COG1: variants seen among roughly 807,000 people sequenced by gnomAD.
The protein encoded by COG1 is component of oligomeric golgi complex 1.
Under a neutral mutation model 102.2 loss-of-function variants are expected in COG1, and 61 were observed. The observed-to-expected ratio is 0.60, with a 90% confidence interval of 0.49 to 0.74. The LOEUF (loss-of-function observed/expected upper bound fraction) is 0.74. Among genes scored for constraint, COG1 ranks in the 30% least tolerant of loss-of-function variants. The probability of loss-of-function intolerance (pLI) is 0.00; values close to 1 mark genes in which losing one functional copy is unlikely to be tolerated. For missense variants in COG1, 1,164 were observed against 1,232.1 expected (o/e 0.94, Z 0.83); for synonymous variants, 454 against 493.6 (o/e 0.92, Z 1.06).
At chr17:73,197,602 A>AT (rs1219258381) in intron 4 of COG1, among the ~76,000 whole-genome samples, 4 of 152,332 alleles carry the variant, frequency 2.6e-5, no homozygotes, top group African/African-American at 9.6e-5. Flanking sequence ...TAGTGTCTAT[A>AT]TTGGTCATTG....
chr17:73,201,111 T>G lies in COG1; in HGVS notation c.1284T>G (p.Thr428=). The change falls in exon 7 of 14, where the codon ACT becomes ACG. Residue 428 remains threonine, a splice_region_variant and synonymous_variant. Transcript: ENST00000299886. ...MQQLFLDRLQ[T]LTKEGFDSIS... The stretch of plus-strand genomic sequence containing the variant: ...ACTCTTCTCTCATTCTCTTTTAGAC[T>G]CTGACAAAAGAAGGCTTTGACTCCA... 2 of 1,613,758 alleles carry G rather than the reference T, an allele frequency of 1.2e-6. No individual in the cohort carries two copies. The highest frequency in any genetic ancestry group is 1.7e-6 in the Non-Finnish European group (2 of 1,179,714).
intron 13 of COG1, 37 bp downstream of exon 13, chr17:73,207,293 G>A (rs2061381623): frequency 1.3e-6 from 2 of 1,591,948 alleles, no homozygotes; most frequent in African/African-American, 2.7e-5. Context: ...CCGTGGATGG[G>A]TCCCCACCTC....
intron 1 of COG1, among the ~76,000 whole-genome samples, chr17:73,193,617 A>G (rs2061311790): frequency 6.6e-6 from 1 of 152,200 alleles, no homozygotes; most frequent in East Asian, 1.9e-4. Context: ...CAGTTTCTTC[A>G]GGCGCTTTCC....
intron 13 of COG1, 22 bp downstream of exon 13, chr17:73,207,278 C>T (rs1237675784): frequency 6.2e-7 from 1 of 1,612,466 alleles, no homozygotes; most frequent in Non-Finnish European, 8.5e-7. Flanking sequence ...GAGCAAGAGG[C>T]TCATCCGTGG....
At position 73,201,357 on chromosome 17, in the gene COG1, C is replaced by T. The variant is rs138661086; in HGVS notation, c.1530C>T (p.Ile510=). The part of the protein sequence containing the change: ...SSGLSMKAQA[I]SPCVQNFCSA... ...GCCTCTCCATGAAAGCACAAGCCAT[C>T]AGCCCTTGTGTACAGAACTTCTGTT... Residue 510 remains isoleucine (I), a synonymous_variant, in exon 7 of 14, where the codon ATC becomes ATT. Coordinates refer to ENST00000299886, the MANE Select transcript of COG1 (RefSeq NM_018714.3). 3.1e-6 allele frequency: 5 copies of T among 1,614,228 alleles called. No homozygotes were observed. In the African/African-American group the frequency reaches 4.0e-5, roughly 13 times the overall value.
chr17:73,206,280 C>G lies in COG1; in HGVS notation c.2619+18C>G. ...GAACTTCTGTGAGTCAAATCAAAAA[C>G]ATGCTTAGTGCGAACGAAGCGATAC... On this transcript the variant is annotated intron_variant, in intron 11 of 13. Transcript: ENST00000299886. The G allele has an allele frequency of 6.3e-7, 1 of 1,593,194 alleles. No homozygotes were observed. The highest frequency in any genetic ancestry group is 8.6e-7 in the Non-Finnish European group (1 of 1,160,848).
At chr17:73,200,539 A>G (rs2061342535) in intron 5 of COG1, 27 bp from the exon 6 acceptor site, 1 of 1,591,822 alleles carries the variant, frequency 6.3e-7, no homozygotes, top group African/African-American at 1.3e-5. Flanking sequence ...CCTCTGATGG[A>G]GCCCAAAGAA....
intron 13 of COG1, 192 bp downstream of exon 13, chr17:73,207,448 C>T: frequency 1.4e-6 from 1 of 701,404 alleles, no homozygotes; most frequent in Non-Finnish European, 2.5e-6. Context: ...GTAAAAGATG[C>T]CCGCTGACAC....
chr17:73,196,633 C>T lies in COG1; in HGVS notation c.442C>T (p.Leu148=). 1 of 1,614,224 alleles carries T rather than the reference C, an allele frequency of 6.2e-7. No homozygotes were observed. Among genetic ancestry groups the T allele is most frequent in the Non-Finnish European group, 8.5e-7 (1 of 1,180,046 alleles). The change falls in exon 2 of 14, where the codon CTG becomes TTG. Residue 148 remains leucine (L), a synonymous_variant. Coordinates refer to ENST00000299886, the MANE Select transcript of COG1 (RefSeq NM_018714.3). ...GTGTCTCCACGCCACACAGCTCTAC[C>T]TGCTCTGCTGCCACCTCCACAGCCT... ...SQCLHATQLY[L]LCCHLHSLLQ...
At chr17:73,195,784 G>A (rs907241486) in intron 1 of COG1, among the ~76,000 whole-genome samples, 7 of 152,258 alleles carry the variant, frequency 4.6e-5, no homozygotes, top group East Asian at 1.9e-4. Context: ...GTGGCGACAC[G>A]CACCTGCGAT....
chr17:73,198,142 C>T (rs1179620653), intron 4 of COG1, among the ~76,000 whole-genome samples: 4 of 151,990 alleles, frequency 2.6e-5, no homozygotes, highest in Non-Finnish European at 5.9e-5. Flanking sequence ...AGGTGTCAGC[C>T]GCTGGGAGCT....
intron 8 of COG1, 72 bp downstream of exon 8, chr17:73,203,218 A>T: frequency 6.4e-7 from 1 of 1,554,078 alleles, no homozygotes; most frequent in Non-Finnish European, 8.8e-7. Context: ...TTAGAAAATC[A>T]TTCAACATAC....
In COG1 at chr17:73,196,907, A is replaced by G; in HGVS notation, c.568A>G (p.Ile190Val). Residue 190 changes from isoleucine (I) to valine (V), a missense_variant, in exon 3 of 14, where the codon ATT (isoleucine) becomes GTT (valine). Transcript: ENST00000299886. ...VAAASHFRST[I>V]LHESKMLLKC... ...CTGTCATCATTTTTCTAGGTCAACT[A>G]TTCTGCATGAAAGCAAGATGTTGCT... The G allele has an allele frequency of 1.2e-6, 2 of 1,614,238 alleles. No homozygotes were observed. The highest frequency in any genetic ancestry group is 8.5e-7 in the Non-Finnish European group (1 of 1,180,034).
At position 73,196,511 on chromosome 17, in the gene COG1, A is replaced by G. The variant is rs756680020; in HGVS notation, c.320A>G (p.Gln107Arg). The change falls in exon 2 of 14, where the codon CAG (glutamine) becomes CGG (arginine). Residue 107 changes from glutamine (Q) to arginine (R), a missense_variant. By Grantham distance (43) the Gln-to-Arg change is conservative (BLOSUM62 1). Transcript: ENST00000299886. ...GTTCTGTGCCTTCCCCTGCAGCCAC[A>G]GCAGCCATCCCAGGAGAAGTTCTAC... Reference protein sequence around the residue: ...APRPPRAQQPQQPSQEKFYSM... With the variant: ...APRPPRAQQPRQPSQEKFYSM... 9 of 1,614,084 alleles carry G rather than the reference A, an allele frequency of 5.6e-6. No homozygotes were observed. Among genetic ancestry groups the G allele is most frequent in the Non-Finnish European group, 7.6e-6 (9 of 1,180,046 alleles).
At chr17:73,197,436 A>T (rs2061330095) in intron 4 of COG1, 40 bp downstream of exon 4, 1 of 1,608,506 alleles carries the variant, frequency 6.2e-7, no homozygotes. Context: ...TGGTTCACTC[A>T]ACTGATAATT....
intron 9 of COG1, 106 bp downstream of exon 9, chr17:73,203,899 G>A (rs2145101410): frequency 1.5e-6 from 2 of 1,298,428 alleles, no homozygotes; most frequent in Non-Finnish European, 2.2e-6. Context: ...AACTGTTAAG[G>A]ATCACCCAGC....
intron 13 of COG1, chr17:73,207,544 A>T: frequency 1.6e-6 from 1 of 625,126 alleles, no homozygotes; most frequent in Non-Finnish European, 2.7e-6. Flanking sequence ...TGAAAGAGTT[A>T]ACTGCCAACC....
chr17:73,196,972 C>T lies in COG1; in HGVS notation c.633C>T (p.Ala211=). 6.2e-7 allele frequency: 1 copy of T among 1,614,158 alleles called. No individual in the cohort carries two copies. Among genetic ancestry groups the T allele is most frequent in the Non-Finnish European group, 8.5e-7 (1 of 1,180,030 alleles). The change falls in exon 3 of 14, where the codon GCC becomes GCT. Residue 211 remains alanine, a synonymous_variant. Coordinates refer to ENST00000299886, the MANE Select transcript of COG1 (RefSeq NM_018714.3). ...QGVSDQAVAE[A]LCSIMLLEES... is the part of the protein sequence containing the mutation. The stretch of plus-strand genomic sequence containing the variant: ...TGTCTGACCAAGCTGTGGCCGAGGC[C>T]CTGTGCTCTATAATGCTCTTAGAAG...
intron 4 of COG1, among the ~76,000 whole-genome samples, chr17:73,197,792 T>A (rs2061331449): frequency 6.6e-6 from 1 of 152,156 alleles, no homozygotes; most frequent in Non-Finnish European, 1.5e-5. Flanking sequence ...GCAAAGATCC[T>A]GAGGCAAGAA....
Sources: allele counts gnomAD v4.1 joint callset (sites outside exome capture counted in the v4.1 genomes callset), GRCh38; gene constraint gnomAD v4.1.1; transcripts MANE v1.5; gene names NCBI Gene and HGNC (gene_info 2026-07-23, HGNC 2026-07-21).